The following GRIP1 variants were observed in gnomAD, a reference collection of about 807,000 sequenced individuals.
GRIP1 encodes glutamate receptor-interacting protein 1.
In GRIP1, 45 loss-of-function variants were observed where a neutral mutation model predicts 129.9. The observed-to-expected ratio is 0.35, with a 90% CI of 0.27 to 0.44. GRIP1 has a LOEUF of 0.44. Ranked by LOEUF, GRIP1 falls within the 20% of genes least tolerant of loss-of-function variation. GRIP1 has a pLI of 1.00. For missense variants in GRIP1, 1,196 were observed against 1,396.8 expected (o/e 0.86, Z 2.29); for synonymous variants, 530 against 520.8 (o/e 1.02, Z -0.24).
At chr12:66,393,547 T>C (rs2056675887) in intron 17 of GRIP1, among the ~76,000 whole-genome samples, 1 of 152,122 alleles carries the variant, frequency 6.6e-6, no homozygotes, top group South Asian at 2.1e-4. Context: ...CTAGCCACTG[T>C]TTTCAACTGT....
At chr12:66,555,121 T>C (rs1592541699) in intron 2 of GRIP1, among the ~76,000 whole-genome samples, 2 of 152,168 alleles carry the variant, frequency 1.3e-5, no homozygotes, top group Non-Finnish European at 2.9e-5. Context: ...TGGCTTCAGG[T>C]CTGACCCAGT....
intron 1 of GRIP1, among the ~76,000 whole-genome samples, chr12:67,053,483 A>G (rs1209489742): frequency 1.3e-5 from 2 of 152,366 alleles, no homozygotes; most frequent in South Asian, 2.1e-4. Flanking sequence ...GTCAGAATAA[A>G]TATCGAGACA....
intron 4 of GRIP1, among the ~76,000 whole-genome samples, chr12:66,531,302 T>A (rs12317323): frequency 2.0e-5 from 2 of 98,190 alleles, no homozygotes; most frequent in East Asian, 3.2e-4. Flanking sequence ...TATATATATA[T>A]ACACACACAC....
At chr12:66,590,969 A>G (rs2063830492) in intron 2 of GRIP1, among the ~76,000 whole-genome samples, 1 of 152,206 alleles carries the variant, frequency 6.6e-6, no homozygotes, top group Non-Finnish European at 1.5e-5. Context: ...GAGAAAATCT[A>G]CCTGCTGACT....
chr12:66,419,392 C>A (rs181269180), intron 15 of GRIP1, among the ~76,000 whole-genome samples: 1 of 152,124 alleles, frequency 6.6e-6, no homozygotes, highest in African/African-American at 2.4e-5. Context: ...GATGGCACAA[C>A]AGGGTGACTA....
chr12:66,729,900 A>C (rs1174334122), intron 1 of GRIP1, among the ~76,000 whole-genome samples: 1 of 152,192 alleles, frequency 6.6e-6, no homozygotes, highest in Non-Finnish European at 1.5e-5. Flanking sequence ...AGCCTCTCTG[A>C]CTATAAGACT....
intron 1 of GRIP1, among the ~76,000 whole-genome samples, chr12:66,934,567 C>T (rs2041453590): frequency 6.6e-6 from 1 of 152,132 alleles, no homozygotes; most frequent in African/African-American, 2.4e-5. Flanking sequence ...AACAGGTTTG[C>T]TGAATAAACA....
At chr12:66,748,260 G>A (rs879871595) in intron 1 of GRIP1, among the ~76,000 whole-genome samples, 11 of 152,014 alleles carry the variant, frequency 7.2e-5, no homozygotes, top group East Asian at 1.9e-4. Context: ...CAAGTGATCC[G>A]CCCACCTTGG....
At chr12:66,465,466 T>G in intron 7 of GRIP1, 44 bp from the exon 8 acceptor site, 5 of 1,522,834 alleles carry the variant, frequency 3.3e-6, no homozygotes, top group Non-Finnish European at 4.6e-6. Flanking sequence ...ATAAAACAAA[T>G]AAGCAAAGAG....
At chr12:66,873,332 T>C (rs1415382676) in intron 1 of GRIP1, among the ~76,000 whole-genome samples, 1 of 152,034 alleles carries the variant, frequency 6.6e-6, no homozygotes, top group African/African-American at 2.4e-5. Flanking sequence ...TAGAAGAGCA[T>C]GTGAGGTGAG....
At chr12:66,941,466 T>C (rs1009574540) in intron 1 of GRIP1, among the ~76,000 whole-genome samples, 2 of 152,204 alleles carry the variant, frequency 1.3e-5, no homozygotes, top group South Asian at 2.1e-4. Flanking sequence ...TTCTTTACGA[T>C]GAATCTAAAT....
At chr12:66,361,537 T>C (rs984354056) in intron 23 of GRIP1, among the ~76,000 whole-genome samples, 1 of 152,208 alleles carries the variant, frequency 6.6e-6, no homozygotes, top group Non-Finnish European at 1.5e-5. Context: ...ACGAAAGAGC[T>C]AGATCATTCT....
At chr12:66,443,965 A>T (rs1230244340) in intron 13 of GRIP1, among the ~76,000 whole-genome samples, 1 of 152,208 alleles carries the variant, frequency 6.6e-6, no homozygotes, top group African/African-American at 2.4e-5. Flanking sequence ...GAGAGGCTTT[A>T]CTTGTCTCTG....
intron 1 of GRIP1, among the ~76,000 whole-genome samples, chr12:67,052,432 A>C (rs186287723): frequency 3.3e-5 from 5 of 152,184 alleles, no homozygotes; most frequent in Admixed American, 6.5e-5. Context: ...CTGGTGGCCC[A>C]CTCTTGACAG....
At chr12:66,959,535 A>G (rs1478225018) in intron 1 of GRIP1, among the ~76,000 whole-genome samples, 1 of 152,214 alleles carries the variant, frequency 6.6e-6, no homozygotes, top group Non-Finnish European at 1.5e-5. Context: ...GCCACAAATT[A>G]TCTCCATTTG....
At chr12:66,470,221 C>G (rs2059399510) in intron 7 of GRIP1, among the ~76,000 whole-genome samples, 1 of 152,146 alleles carries the variant, frequency 6.6e-6, no homozygotes, top group South Asian at 2.1e-4. Context: ...TAATGGAGTA[C>G]AGGTTCTTAA....
intron 2 of GRIP1, among the ~76,000 whole-genome samples, chr12:66,553,285 C>T (rs1217428993): frequency 6.6e-6 from 1 of 152,130 alleles, no homozygotes; most frequent in Non-Finnish European, 1.5e-5. Context: ...TCTAGCCTCA[C>T]TCTGAGTTTG....
chr12:66,469,636 A>G (rs371977561), intron 7 of GRIP1, among the ~76,000 whole-genome samples: 23 of 152,288 alleles, frequency 1.5e-4, no homozygotes, highest in African/African-American at 5.5e-4. Context: ...AATCTAACTA[A>G]CCAGAAAAAA....
intron 1 of GRIP1, among the ~76,000 whole-genome samples, chr12:67,067,507 T>C (rs900968790): frequency 2.6e-5 from 4 of 152,162 alleles, no homozygotes; most frequent in African/African-American, 9.7e-5. Flanking sequence ...TATGATTTAC[T>C]AAAGGGAGAA....
Sources: allele counts gnomAD v4.1 joint callset (sites outside exome capture counted in the v4.1 genomes callset), GRCh38; gene constraint gnomAD v4.1.1; transcripts MANE v1.5; gene names NCBI Gene and HGNC (gene_info 2026-07-23, HGNC 2026-07-21).